Variants in CD99L2 observed in about 807,000 individuals in gnomAD.
The protein encoded by CD99L2 is CD99 molecule like 2.
CD99L2 carries 24 observed loss-of-function variants against 27.3 expected under a neutral mutation model. The ratio of observed to expected loss-of-function variants is 0.88; its 90% CI spans 0.64 to 1.24. The LOEUF is 1.24. Ranked by LOEUF, CD99L2 falls within the 50% of genes most tolerant of loss-of-function variation. The pLI, the probability that CD99L2 is intolerant of heterozygous loss-of-function variation, is 0.00. For missense variants in CD99L2, 255 were observed against 221.6 expected, an observed-to-expected ratio of 1.15 and a Z score of -0.96; for synonymous variants, 97 against 87.9, an observed-to-expected ratio of 1.10 and a Z score of -0.58.
chrX:150,869,343 G>A (rs782489716), intron 1 of CD99L2, among the ~76,000 whole-genome samples: 27 of 111,525 alleles, frequency 2.4e-4, no homozygotes, highest in Non-Finnish European at 4.7e-4. Flanking sequence ...ACCCACATCC[G>A]ACCCATCAAT....
chrX:150,778,397 T>C (rs1055803156), intron 7 of CD99L2, among the ~76,000 whole-genome samples: 1 of 106,537 alleles, frequency 9.4e-6, no homozygotes, highest in African/African-American at 3.5e-5. Context: ...CAACATTTCC[T>C]TCACCAATCA....
Position 150,768,876 on chromosome X carries a change from CAA to C in CD99L2, c.*156_*157del. The C allele has an allele frequency of 1.9e-6, 2 of 1,030,698 alleles. No individual in the cohort carries two copies. Among genetic ancestry groups the C allele is most frequent in the Non-Finnish European group, 2.5e-6 (2 of 812,963 alleles). 84.9% of individuals were successfully genotyped at this position (1,030,698 alleles called of 1,213,427 possible). On this transcript the variant is annotated 3_prime_UTR_variant, in exon 11 of 11. Coordinates refer to ENST00000370377, the MANE Select transcript of CD99L2 (RefSeq NM_031462.4). Reference sequence around the variant, plus strand: ...CACGCTTGGGGCAGGGCAGAGAAACCAAACTCACAAACACCCAGAGCTCATCC... The same window carrying C: ...CACGCTTGGGGCAGGGCAGAGAAACCACTCACAAACACCCAGAGCTCATCC...
At chrX:150,811,736 T>C (rs2046074972) in intron 4 of CD99L2, among the ~76,000 whole-genome samples, 1 of 112,147 alleles carries the variant, frequency 8.9e-6, no homozygotes, top group Non-Finnish European at 1.9e-5. Flanking sequence ...AACGGGCAGA[T>C]AGTCTTTTTA....
chrX:150,802,667 T>C (rs1355834733), intron 4 of CD99L2, among the ~76,000 whole-genome samples: 8 of 94,761 alleles, frequency 8.4e-5, no homozygotes, highest in Admixed American at 2.3e-4. Context: ...CTGCAAGCTC[T>C]GCCTCCCAGG....
chrX:150,818,333 T>C (rs2046196890), intron 2 of CD99L2, among the ~76,000 whole-genome samples: 1 of 109,208 alleles, frequency 9.2e-6, no homozygotes, highest in Admixed American at 9.8e-5. Flanking sequence ...TTCTTCAAGG[T>C]AGACCATATG....
intron 9 of CD99L2, among the ~76,000 whole-genome samples, chrX:150,772,309 A>G (rs1331246057): frequency 1.8e-5 from 2 of 112,472 alleles, no homozygotes; most frequent in Non-Finnish European, 3.8e-5. Context: ...CAACCGGCCC[A>G]ATCCCGCCCC....
intron 4 of CD99L2, among the ~76,000 whole-genome samples, 170 bp downstream of exon 4, chrX:150,814,692 T>C (rs781824135): frequency 8.9e-6 from 1 of 112,002 alleles, no homozygotes; most frequent in Non-Finnish European, 1.9e-5. Context: ...TCTCAATGAT[T>C]TGGGGAGTCC....
chrX:150,837,121 CT>C (rs1484831592), intron 1 of CD99L2, among the ~76,000 whole-genome samples: 3 of 112,127 alleles, frequency 2.7e-5, no homozygotes, highest in African/African-American at 9.7e-5. Context: ...GCACCCAGGT[CT>C]TCGTCTCTAA....
chrX:150,837,959 C>T (rs2046559123), intron 1 of CD99L2, among the ~76,000 whole-genome samples: 1 of 112,391 alleles, frequency 8.9e-6, no homozygotes, highest in South Asian at 3.7e-4. Context: ...TTACTCTTTA[C>T]AGAGGAGAAA....
At chrX:150,787,891 T>C (rs1557419599) in intron 7 of CD99L2, among the ~76,000 whole-genome samples, 1 of 12,241 alleles carries the variant, frequency 8.2e-5, no homozygotes, top group Non-Finnish European at 1.4e-4. Flanking sequence ...ACTTAAAGTA[T>C]ATATATATAT....
At chrX:150,797,195 TA>T (rs200923686) in intron 4 of CD99L2, among the ~76,000 whole-genome samples, 409 of 109,399 alleles carry the variant, frequency 3.7e-3, no homozygotes, top group Non-Finnish European at 5.3e-3. Flanking sequence ...AATGCAATAC[TA>T]AAAAAAAATC....
intron 1 of CD99L2, among the ~76,000 whole-genome samples, chrX:150,857,413 C>T (rs782781523): frequency 2.2e-4 from 24 of 109,784 alleles, no homozygotes; most frequent in Non-Finnish European, 3.0e-4. Flanking sequence ...AGACTAACAG[C>T]AGTAAAATTA....
At position 150,777,074 on chromosome X, in the gene CD99L2, C is replaced by A. The variant is rs2043569076; in HGVS notation, c.535+370G>T. On this transcript the variant is annotated intron_variant, in intron 8 of 10. Coordinates refer to ENST00000370377, the MANE Select transcript of CD99L2 (RefSeq NM_031462.4). ...ACACAATTTTGTCTGGCTCAGTGAA[C>A]CTGCATTTTTACATAAGCAATTGGG... 1.7e-5 allele frequency: 4 copies of A among 230,672 alleles called. No individual in the cohort carries two copies. The South Asian group carries it at 3.6e-4, about 21-fold the overall frequency. The allele number at this position is 230,672 out of a possible 1,213,427, so 19.0% of individuals were successfully genotyped here.
At chrX:150,892,243 T>C (rs1202299159) in intron 1 of CD99L2, among the ~76,000 whole-genome samples, 1 of 106,205 alleles carries the variant, frequency 9.4e-6, no homozygotes, top group African/African-American at 3.4e-5. Context: ...ATAATAAAAA[T>C]AAATAAATAA....
chrX:150,830,194 G>GA (rs1376847634), intron 2 of CD99L2, among the ~76,000 whole-genome samples: 185 of 100,935 alleles, frequency 1.8e-3, no homozygotes, highest in Middle Eastern at 5.0e-3. Flanking sequence ...GTTAAAAAAT[G>GA]AAAAAAAAAA....
chrX:150,878,714 T>G (rs376281116), intron 1 of CD99L2, among the ~76,000 whole-genome samples: 1 of 111,882 alleles, frequency 8.9e-6, no homozygotes, highest in African/African-American at 3.2e-5. Flanking sequence ...AAGAGTAATT[T>G]TTTAAAGGCC....
At chrX:150,781,040 G>A (rs1305374276) in intron 7 of CD99L2, among the ~76,000 whole-genome samples, 3 of 112,095 alleles carry the variant, frequency 2.7e-5, no homozygotes, top group African/African-American at 9.8e-5. Context: ...CTAGGGTTGT[G>A]CACATTTGGC....
rs376973032 is a variant in CD99L2 at position 150,770,868 on chromosome X, G to A, written c.656-499C>T. ...CATGCAGCCTCCCAGCAACACCCGC[G>A]CGGAGGCCAACTGCTCCTCCCAGCA... is the stretch of plus-strand genomic sequence containing the variant. On this transcript the variant is annotated intron_variant, in intron 9 of 10. Transcript: ENST00000370377. 1.3e-4 allele frequency among the ~76,000 whole-genome samples: 15 copies of A among 112,746 alleles called. No homozygotes were observed. The East Asian group carries it at 3.6e-3, about 27-fold the overall frequency.
intron 8 of CD99L2, 114 bp downstream of exon 8, chrX:150,777,330 G>A (rs888229064): frequency 6.5e-6 from 6 of 925,858 alleles, no homozygotes; most frequent in African/African-American, 5.8e-5. Flanking sequence ...TGGGAGGCAC[G>A]TTTGCCTGAT....
Sources: allele counts gnomAD v4.1 joint callset (sites outside exome capture counted in the v4.1 genomes callset), GRCh38; gene constraint gnomAD v4.1.1; transcripts MANE v1.5; gene names NCBI Gene and HGNC (gene_info 2026-07-23, HGNC 2026-07-21).